Variants in ETV1 observed in about 807,000 individuals in gnomAD.
ETV1 encodes ETS variant transcription factor 1, also known as ETS translocation variant 1.
Under a neutral mutation model 62.3 loss-of-function variants are expected in ETV1, and 27 were observed. The observed-to-expected ratio is 0.43, with a 90% CI of 0.32 to 0.60. The LOEUF (loss-of-function observed/expected upper bound fraction) is 0.60. Ranked by LOEUF, ETV1 falls within the 20% of genes least tolerant of loss-of-function variation. The pLI is 0.06. For synonymous variants in ETV1, 222 were observed against 199.6 expected, an observed-to-expected ratio of 1.11 and a Z score of -0.94; for missense variants, 605 against 605.8, an observed-to-expected ratio of 1.00 and a Z score of 0.01.
chr7:13,911,457 G>C lies in ETV1; in HGVS notation c.803-150C>G, dbSNP rs565662783. The C allele has an allele frequency of 4.0e-4, 239 of 590,608 alleles. 2 individuals carry two copies. The highest frequency in any genetic ancestry group is 4.0e-3 in the African/African-American group (217 of 53,816). 36.6% of individuals were successfully genotyped at this position (590,608 alleles called of 1,614,324 possible). ...ACATATAATCAACATTTCAGGCAGG[G>C]CCCACACATGAAATGAAAGAATGAA... On this transcript the variant is annotated intron_variant, in intron 9 of 13. Coordinates refer to ENST00000430479, the MANE Select transcript of ETV1 (RefSeq NM_004956.5).
At chr7:13,911,452 G>T in intron 9 of ETV1, 145 bp from the exon 10 acceptor site, 1 of 598,644 alleles carries the variant, frequency 1.7e-6, no homozygotes, top group South Asian at 1.9e-5. Context: ...AACATTTCAG[G>T]CAGGGCCCAC....
chr7:13,961,424 C>T (rs1468148689), intron 6 of ETV1, among the ~76,000 whole-genome samples: 1 of 152,096 alleles, frequency 6.6e-6, no homozygotes, highest in Non-Finnish European at 1.5e-5. Context: ...CCTGTGGATT[C>T]ATTTTTATTA....
At chr7:13,948,383 ATTC>A (rs2128469267) in intron 6 of ETV1, among the ~76,000 whole-genome samples, 1 of 152,314 alleles carries the variant, frequency 6.6e-6, no homozygotes, top group South Asian at 2.1e-4. Flanking sequence ...CATATTTTTA[ATTC>A]TTCTCTAAAC....
chr7:13,946,005 C>T (rs1179151895), intron 6 of ETV1, among the ~76,000 whole-genome samples: 1 of 152,206 alleles, frequency 6.6e-6, no homozygotes, highest in Non-Finnish European at 1.5e-5. Flanking sequence ...CAGTACCATC[C>T]TTGCTGAGTC....
chr7:13,913,691 T>C lies in ETV1; in HGVS notation c.803-2384A>G, dbSNP rs557079800. 2.0e-5 allele frequency among the ~76,000 whole-genome samples: 3 copies of C among 152,282 alleles called. No individual in the cohort carries two copies. In the East Asian group the frequency reaches 5.8e-4, roughly 29 times the overall value. The stretch of plus-strand genomic sequence containing the variant: ...ATATCTAAATAAGTTACATTTGTTA[T>C]CTTACTCTGCTGTTCTTAAATTATA... On this transcript the variant is annotated intron_variant, in intron 9 of 13. Coordinates refer to ENST00000430479, the MANE Select transcript of ETV1 (RefSeq NM_004956.5).
chr7:13,980,963 T>A lies in ETV1; in HGVS notation c.182-3483A>T, dbSNP rs535090385. ...TTAAATATAGCTTGCCTTTATGTTA[T>A]GCTTATTTTTAACTTTCAAATGAAA... On this transcript the variant is annotated intron_variant, in intron 5 of 13. Transcript: ENST00000430479. 3.9e-5 allele frequency among the ~76,000 whole-genome samples: 6 copies of A among 152,292 alleles called. No individual in the cohort carries two copies. The South Asian group carries it at 1.2e-3, about 32-fold the overall frequency.
At chr7:13,936,272 T>C (rs1786798738) in intron 7 of ETV1, among the ~76,000 whole-genome samples, 1 of 152,232 alleles carries the variant, frequency 6.6e-6, no homozygotes, top group Non-Finnish European at 1.5e-5. Context: ...ACTTCTGATA[T>C]TATATTCTTC....
intron 6 of ETV1, among the ~76,000 whole-genome samples, chr7:13,965,660 T>G (rs961605400): frequency 8.5e-5 from 13 of 152,166 alleles, no homozygotes; most frequent in African/African-American, 2.9e-4. Context: ...TCAAGTTATT[T>G]CAGAGTATTT....
intron 5 of ETV1, among the ~76,000 whole-genome samples, chr7:13,983,086 T>C (rs1235603599): frequency 1.4e-5 from 2 of 147,204 alleles, no homozygotes; most frequent in South Asian, 2.1e-4. Context: ...AGAAAGGTTG[T>C]TCTTGCAGAT....
intron 5 of ETV1, 139 bp downstream of exon 5, chr7:13,986,499 C>G: frequency 6.6e-7 from 1 of 1,523,962 alleles, no homozygotes; most frequent in Non-Finnish European, 8.8e-7. Context: ...ATCAGAGGCT[C>G]TAATGTATGC....
At chr7:13,950,332 G>A (rs1788651139) in intron 6 of ETV1, among the ~76,000 whole-genome samples, 1 of 152,112 alleles carries the variant, frequency 6.6e-6, no homozygotes, top group Non-Finnish European at 1.5e-5. Context: ...TCATTTCACA[G>A]AAGGGAGCAT....
At chr7:13,959,136 ATAG>A (rs1789850416) in intron 6 of ETV1, 1 of 152,046 alleles carries the variant, frequency 6.6e-6, no homozygotes, top group Non-Finnish European at 1.5e-5. Flanking sequence ...TAATACAATA[ATAG>A]TAATAATATT....
chr7:13,909,551 T>A, intron 11 of ETV1, 81 bp downstream of exon 11: 1 of 975,808 alleles, frequency 1.0e-6, no homozygotes, highest in Non-Finnish European at 1.6e-6. Context: ...TAAGTAGGGA[T>A]GTCCACTGTT....
At chr7:13,957,445 A>G (rs565492276) in intron 6 of ETV1, among the ~76,000 whole-genome samples, 1 of 152,294 alleles carries the variant, frequency 6.6e-6, no homozygotes, top group South Asian at 2.1e-4. Context: ...AGGTATTACA[A>G]TGTTTGCTCT....
intron 6 of ETV1, among the ~76,000 whole-genome samples, chr7:13,940,675 T>C (rs1469824408): frequency 1.3e-5 from 2 of 152,182 alleles, no homozygotes; most frequent in African/African-American, 4.8e-5. Flanking sequence ...AAAAGGAAGA[T>C]ATGACAAGAG....
intron 5 of ETV1, among the ~76,000 whole-genome samples, chr7:13,981,556 A>G (rs1276764991): frequency 6.8e-6 from 1 of 146,480 alleles, no homozygotes; most frequent in Admixed American, 6.9e-5. Flanking sequence ...CACACACACA[A>G]ATACATACAT....
intron 6 of ETV1, among the ~76,000 whole-genome samples, chr7:13,973,403 C>T (rs1017861266): frequency 3.9e-5 from 6 of 152,160 alleles, no homozygotes; most frequent in East Asian, 1.9e-4. Flanking sequence ...CATACCCAGA[C>T]GCACGAGAAT....
intron 5 of ETV1, among the ~76,000 whole-genome samples, chr7:13,979,850 G>A (rs1781816313): frequency 1.3e-5 from 2 of 152,084 alleles, no homozygotes; most frequent in Admixed American, 6.6e-5. Context: ...TGTTTTTGTA[G>A]CATCGTAAGC....
Position 13,895,806 on chromosome 7 carries a change from C to T in ETV1, c.*60G>A. The T allele has an allele frequency of 9.4e-7, 1 of 1,067,800 alleles. No homozygotes were observed. 66.1% of individuals were successfully genotyped at this position (1,067,800 alleles called of 1,614,324 possible). A position where few individuals can be genotyped will look rare whatever the true frequency, so the allele number is the denominator to read the frequency against. On this transcript the variant is annotated 3_prime_UTR_variant, in exon 14 of 14. Transcript: ENST00000430479. ...GAAATAAAACAAAGATTCAGCAATT[C>T]TCTGTATCTTGCAGAAAAAAGGAAA...
Sources: allele counts gnomAD v4.1 joint callset (sites outside exome capture counted in the v4.1 genomes callset), GRCh38; gene constraint gnomAD v4.1.1; transcripts MANE v1.5; gene names NCBI Gene and HGNC (gene_info 2026-07-23, HGNC 2026-07-21).